KCTD21: variants seen among roughly 807,000 people sequenced by gnomAD.
KCTD21 encodes BTB/POZ domain-containing protein KCTD21.
KCTD21 carries 9 observed loss-of-function variants against 13.2 expected under a neutral mutation model. The observed-to-expected ratio is 0.68, with a 90% CI of 0.41 to 1.19. KCTD21 has a LOEUF of 1.19. KCTD21 is among the 50% of genes most tolerant of loss of function. KCTD21 has a pLI of 0.01. For synonymous variants in KCTD21, 142 were observed against 137.4 expected, an observed-to-expected ratio of 1.03 and a Z score of -0.23; for missense variants, 303 against 336.5, an observed-to-expected ratio of 0.90 and a Z score of 0.78.
intron 1 of KCTD21, among the ~76,000 whole-genome samples, chr11:78,180,418 T>C (rs999430020): frequency 2.0e-5 from 3 of 152,214 alleles, no homozygotes; most frequent in African/African-American, 7.2e-5. Flanking sequence ...CCCAGCACTT[T>C]GGGAGGCTGA....
At chr11:78,185,540 G>A (rs1862740767) in intron 1 of KCTD21, among the ~76,000 whole-genome samples, 1 of 152,050 alleles carries the variant, frequency 6.6e-6, no homozygotes, top group Admixed American at 6.6e-5. Context: ...TAGAATCTAA[G>A]CCTGGGTGGG....
At chr11:78,182,308 C>T (rs113602521) in intron 1 of KCTD21, among the ~76,000 whole-genome samples, 42,607 of 117,242 alleles carry the variant, frequency 0.36, 6,847 homozygotes, top group Admixed American at 0.49. Flanking sequence ...CCCCCCCCCC[C>T]TCAAAATTAA....
intron 1 of KCTD21, among the ~76,000 whole-genome samples, chr11:78,186,363 C>A (rs755778329): frequency 1.0e-5 from 1 of 95,946 alleles, no homozygotes; most frequent in African/African-American, 4.6e-5. Flanking sequence ...CAGAGTAAGA[C>A]CCTGTCTCAA....
chr11:78,174,009 G>C lies in KCTD21; in HGVS notation c.546C>G (p.Asn182Lys). 1 of 1,614,134 alleles carries C rather than the reference G, an allele frequency of 6.2e-7. No homozygotes were observed. The highest frequency in any genetic ancestry group is 8.5e-7 in the Non-Finnish European group (1 of 1,180,040). Reference protein sequence around the residue: ...SSITSHLQDPNHLTLDWVANV... With the variant: ...SSITSHLQDPKHLTLDWVANV... Reference sequence around the variant, plus strand: ...TGGCCACCCAGTCCAGAGTCAGGTGGTTGGGGTCCTGCAAGTGGCTGGTGA... The same window carrying C: ...TGGCCACCCAGTCCAGAGTCAGGTGCTTGGGGTCCTGCAAGTGGCTGGTGA... Residue 182 changes from asparagine (N) to lysine (K), a missense_variant, in exon 2 of 2, where the codon AAC becomes AAG. Physicochemically the swap from Asn to Lys is moderately conservative, Grantham distance 94 (BLOSUM62 0). Coordinates refer to ENST00000340067, the MANE Select transcript of KCTD21 (RefSeq NM_001029859.3).
At chr11:78,183,467 T>C (rs112625485) in intron 1 of KCTD21, among the ~76,000 whole-genome samples, 7,165 of 150,446 alleles carry the variant, frequency 0.048, 505 homozygotes, top group African/African-American at 0.16. Context: ...ATCTGGGAAG[T>C]GGAGGTTGCA....
rs144551011 is a variant in KCTD21, at chr11:78,174,042, G to T, written c.513C>A (p.Leu171=). 2.2e-4 allele frequency: 357 copies of T among 1,614,198 alleles called. No individual in the cohort carries two copies. The highest frequency in any genetic ancestry group is 3.2e-4 in the Admixed American group (19 of 60,012). Residue 171 remains leucine, a synonymous_variant, in exon 2 of 2, where the codon CTC becomes CTA. Transcript: ENST00000340067. ...SKLFYCSNGN[L]SSITSHLQDP... is the part of the protein sequence containing the mutation. ...CCTGCAAGTGGCTGGTGATGGAGGA[G>T]AGATTGCCATTGGAGCAGTAGAAGA...
At chr11:78,187,802 C>T in intron 1 of KCTD21, 3 of 985,444 alleles carry the variant, frequency 3.0e-6, no homozygotes, top group Non-Finnish European at 2.4e-6. Context: ...CAAAACTTTT[C>T]TTTCCTGCCT....
intron 1 of KCTD21, chr11:78,177,981 T>C (rs962121309): frequency 6.6e-6 from 1 of 152,096 alleles, no homozygotes; most frequent in African/African-American, 2.4e-5. Flanking sequence ...CTCCCGGTCA[T>C]TTGTCTGGGG....
intron 1 of KCTD21, among the ~76,000 whole-genome samples, chr11:78,180,014 G>GA (rs34345824): frequency 6.6e-6 from 1 of 151,832 alleles, no homozygotes; most frequent in Non-Finnish European, 1.5e-5. Flanking sequence ...TCCATATGGG[G>GA]AAAAAAAGAA....
chr11:78,178,123 C>CTT (rs1862507680), intron 1 of KCTD21: 2 of 133,614 alleles, frequency 1.5e-5, no homozygotes, highest in East Asian at 4.2e-4. Flanking sequence ...CCTCTAAGCC[C>CTT]TTCTTTTCTT....
chr11:78,188,577 TGCCCTCGCTCTGCA>T lies in KCTD21; in HGVS notation c.-48_-35del, dbSNP rs1565390084. 3.0e-6 allele frequency: 3 copies of T among 985,568 alleles called. No homozygotes were observed. The African/African-American group carries it at 5.2e-5, about 17-fold the overall frequency. The allele number at this position is 985,568 out of a possible 1,614,324, so 61.1% of individuals were successfully genotyped here. A position where few individuals can be genotyped will look rare whatever the true frequency, so the allele number is the denominator to read the frequency against. On this transcript the variant is annotated 5_prime_UTR_variant, in exon 1 of 2. Coordinates refer to ENST00000340067, the MANE Select transcript of KCTD21 (RefSeq NM_001029859.3). The stretch of plus-strand genomic sequence containing the variant: ...CCCCGGCCGTGCCGCACCCACCTCC[TGCCCTCGCTCTGCA>T]GCCTCTCCCTCCGCGAGCGGCCAGC...
At chr11:78,179,158 C>G (rs1862543024) in intron 1 of KCTD21, among the ~76,000 whole-genome samples, 1 of 152,096 alleles carries the variant, frequency 6.6e-6, no homozygotes, top group Non-Finnish European at 1.5e-5. Flanking sequence ...CCTGCTTTCA[C>G]TGCTTCATTC....
In KCTD21 at chr11:78,173,701, G is replaced by A. The variant is rs1284631121; in HGVS notation, c.*71C>T. 44 of 1,306,670 alleles carry A rather than the reference G, an allele frequency of 3.4e-5. No homozygotes were observed. The highest frequency in any genetic ancestry group is 3.8e-4 in the Middle Eastern group (2 of 5,276). The allele number at this position is 1,306,670 out of a possible 1,614,324, so 80.9% of individuals were successfully genotyped here. On this transcript the variant is annotated 3_prime_UTR_variant, in exon 2 of 2. Coordinates refer to ENST00000340067, the MANE Select transcript of KCTD21 (RefSeq NM_001029859.3). Reference sequence around the variant, plus strand: ...TAGTCCCCTGCCTCGCACCACTGGCGAGATGCCCTCCAAGACCTGGCTGAC... The same window carrying A: ...TAGTCCCCTGCCTCGCACCACTGGCAAGATGCCCTCCAAGACCTGGCTGAC...
At position 78,171,736 on chromosome 11, in the gene KCTD21, G is replaced by C. The variant is rs1252205858; in HGVS notation, c.*2036C>G. On this transcript the variant is annotated 3_prime_UTR_variant, in exon 2 of 2. Coordinates refer to ENST00000340067, the MANE Select transcript of KCTD21 (RefSeq NM_001029859.3). ...TTCTACTGCCTCAGCCTCCCAAATA[G>C]CTGGGGTTATAGGCGCCTGTCACCA... 1.3e-5 allele frequency: 2 copies of C among 152,208 alleles called. No individual in the cohort carries two copies. Among genetic ancestry groups the C allele is most frequent in the African/African-American group, 4.8e-5 (2 of 41,452 alleles). 9.4% of individuals were successfully genotyped at this position (152,208 alleles called of 1,614,324 possible).
At chr11:78,175,783 G>A (rs1031760569) in intron 1 of KCTD21, among the ~76,000 whole-genome samples, 1 of 152,014 alleles carries the variant, frequency 6.6e-6, no homozygotes, top group African/African-American at 2.4e-5. Context: ...TGCACAATGT[G>A]CAGGTTAGTT....
intron 1 of KCTD21, among the ~76,000 whole-genome samples, chr11:78,184,637 G>A (rs1376843074): frequency 2.6e-5 from 4 of 152,162 alleles, no homozygotes; most frequent in Admixed American, 2.6e-4. Flanking sequence ...ATGCCAAGGG[G>A]CTCTATTTAG....
chr11:78,188,520 G>C, intron 1 of KCTD21, 53 bp downstream of exon 1: 4 of 985,270 alleles, frequency 4.1e-6, no homozygotes, highest in Non-Finnish European at 4.8e-6. Flanking sequence ...GTGGGCCCAC[G>C]TACCCTCGCC....
Position 78,174,542 on chromosome 11 carries a change from T to G in KCTD21, c.13A>C (p.Ile5Leu), listed in dbSNP as rs140399674. The stretch of plus-strand genomic sequence containing the variant: ...AGCTTCCCCCCGACGTTCAGCGTGA[T>G]GGGGTCGGACATGGCAGGAGACTGG... Reference protein sequence around the residue: MSDPITLNVGGKLYT... With the variant: MSDPLTLNVGGKLYT... Residue 5 changes from isoleucine (I) to leucine (L), a missense_variant, in exon 2 of 2, where the codon ATC becomes CTC. Transcript: ENST00000340067. 10 of 1,611,964 alleles carry G rather than the reference T, an allele frequency of 6.2e-6. No homozygotes were observed. The highest frequency in any genetic ancestry group is 8.5e-6 in the Non-Finnish European group (10 of 1,178,918).
intron 1 of KCTD21, chr11:78,187,170 A>G (rs1358771437): frequency 1.0e-6 from 1 of 985,296 alleles, no homozygotes; most frequent in Non-Finnish European, 1.2e-6. Flanking sequence ...CAGAGTGAGT[A>G]CTGTGTTTTC....
Sources: allele counts gnomAD v4.1 joint callset (sites outside exome capture counted in the v4.1 genomes callset), GRCh38; gene constraint gnomAD v4.1.1; transcripts MANE v1.5; gene names NCBI Gene and HGNC (gene_info 2026-07-23, HGNC 2026-07-21).